Variants in KCNH1 observed in about 807,000 individuals in gnomAD.
KCNH1 encodes the protein voltage-gated delayed rectifier potassium channel KCNH1.
KCNH1 carries 27 observed loss-of-function variants against 69.2 expected under a neutral mutation model. The ratio of observed to expected loss-of-function variants is 0.39; its 90% CI spans 0.29 to 0.54. KCNH1 has a LOEUF of 0.54. KCNH1 is among the 20% of genes least tolerant of loss of function. The pLI, the probability that KCNH1 is intolerant of heterozygous loss-of-function variation, is 0.68. For synonymous variants in KCNH1, 456 were observed against 487.7 expected (o/e 0.93, Z 0.86); for missense variants, 798 against 1,261.6 (o/e 0.63, Z 5.57).
At chr1:210,823,416 T>G (rs557883678) in intron 7 of KCNH1, among the ~76,000 whole-genome samples, 4 of 152,310 alleles carry the variant, frequency 2.6e-5, no homozygotes, top group African/African-American at 9.6e-5. Flanking sequence ...GGAACTCAGC[T>G]GTAACTGTCT....
intron 7 of KCNH1, among the ~76,000 whole-genome samples, chr1:210,854,090 A>T (rs1325098559): frequency 6.6e-6 from 1 of 152,136 alleles, no homozygotes; most frequent in Non-Finnish European, 1.5e-5. Context: ...AATATTTATA[A>T]TGCTATGTTA....
At chr1:210,892,772 G>A (rs1686775885) in intron 7 of KCNH1, among the ~76,000 whole-genome samples, 1 of 152,092 alleles carries the variant, frequency 6.6e-6, no homozygotes, top group African/African-American at 2.4e-5. Flanking sequence ...GTGTTCCCAG[G>A]CAAAGCCCTT....
At chr1:210,716,259 C>G (rs570424464) in intron 10 of KCNH1, among the ~76,000 whole-genome samples, 3 of 151,912 alleles carry the variant, frequency 2.0e-5, no homozygotes, top group Non-Finnish European at 4.4e-5. Context: ...CGGTGAAACC[C>G]CATCTCTACT....
chr1:210,956,002 C>T (rs1688167684), intron 6 of KCNH1, among the ~76,000 whole-genome samples: 1 of 152,042 alleles, frequency 6.6e-6, no homozygotes, highest in African/African-American at 2.4e-5. Context: ...GGAATGTTTC[C>T]AGTTTTTGCC....
intron 5 of KCNH1, among the ~76,000 whole-genome samples, chr1:211,081,005 G>A (rs1307534040): frequency 6.6e-6 from 1 of 152,106 alleles, no homozygotes; most frequent in Non-Finnish European, 1.5e-5. Context: ...CACAGCAAAA[G>A]AAACTACCAT....
chr1:211,045,949 G>A lies in KCNH1; in HGVS notation c.559-26693C>T, dbSNP rs772856780. ...TATCATGCAGCATTTGTCCTTCTGC[G>A]TCTGGCTTATTTCACTTAGCATAAC... On this transcript the variant is annotated intron_variant, in intron 5 of 10. Transcript: ENST00000271751. Among the ~76,000 whole-genome samples the A allele has an allele frequency of 5.9e-5, 9 of 152,038 alleles. 1 individual carries two copies. The South Asian group carries it at 1.0e-3, about 18-fold the overall frequency.
intron 10 of KCNH1, among the ~76,000 whole-genome samples, chr1:210,735,231 C>T (rs946459271): frequency 1.3e-5 from 2 of 152,050 alleles, no homozygotes; most frequent in East Asian, 3.9e-4. Context: ...GACTTGTGAG[C>T]CCCCCTGCCT....
intron 1 of KCNH1, among the ~76,000 whole-genome samples, chr1:211,131,854 T>C (rs758649528): frequency 2.6e-5 from 4 of 152,222 alleles, no homozygotes; most frequent in African/African-American, 4.8e-5. Flanking sequence ...ATTCATTTGA[T>C]TGGTTAATTG....
intron 10 of KCNH1, among the ~76,000 whole-genome samples, chr1:210,694,927 T>C (rs1681605645): frequency 6.6e-6 from 1 of 152,218 alleles, no homozygotes; most frequent in Non-Finnish European, 1.5e-5. Flanking sequence ...TCCAACAGCT[T>C]TCCCAGCCTG....
intron 7 of KCNH1, among the ~76,000 whole-genome samples, chr1:210,812,336 C>A (rs1037126682): frequency 1.3e-5 from 2 of 152,132 alleles, no homozygotes; most frequent in Non-Finnish European, 2.9e-5. Context: ...TCTCCCCTCA[C>A]TTCAACTCTA....
chr1:210,877,694 G>T (rs1226857660), intron 7 of KCNH1, among the ~76,000 whole-genome samples: 1 of 152,024 alleles, frequency 6.6e-6, no homozygotes, highest in Non-Finnish European at 1.5e-5. Context: ...AAAATATAAA[G>T]ATATCTATAG....
intron 6 of KCNH1, among the ~76,000 whole-genome samples, chr1:210,997,971 T>C (rs1689085451): frequency 6.6e-6 from 1 of 152,146 alleles, no homozygotes; most frequent in South Asian, 2.1e-4. Flanking sequence ...CTGAGAGATT[T>C]TGTCACCACC....
chr1:210,820,208 T>A (rs927809648), intron 7 of KCNH1, among the ~76,000 whole-genome samples: 2 of 152,234 alleles, frequency 1.3e-5, no homozygotes, highest in African/African-American at 4.8e-5. Context: ...ACTTGAGAAC[T>A]AATTTGAGAA....
chr1:210,895,511 T>G (rs1322774361), intron 7 of KCNH1, among the ~76,000 whole-genome samples: 1 of 152,158 alleles, frequency 6.6e-6, no homozygotes, highest in Non-Finnish European at 1.5e-5. Context: ...AAACATGGAA[T>G]CCTCTAATAC....
Position 211,095,315 on chromosome 1 carries a change from A to T in KCNH1, c.311-4625T>A, listed in dbSNP as rs114063652. Among the ~76,000 whole-genome samples, 1,232 of 152,306 alleles carry T rather than the reference A, an allele frequency of 8.1e-3. 20 individuals carry two copies. The highest frequency in any genetic ancestry group is 0.028 in the African/African-American group (1,183 of 41,554). On this transcript the variant is annotated intron_variant, in intron 3 of 10. Transcript: ENST00000271751. ...TTATTGAAGAAAGATCTATGTACAC[A>T]CCCAGGAACAACATAGCACTTGATA... is the stretch of plus-strand genomic sequence containing the variant.
intron 7 of KCNH1, among the ~76,000 whole-genome samples, chr1:210,890,152 G>A (rs1323669880): frequency 3.9e-5 from 6 of 152,080 alleles, no homozygotes; most frequent in Non-Finnish European, 8.8e-5. Context: ...TATACTACAA[G>A]GCTACAGTAA....
At chr1:210,695,242 G>C (rs1056934341) in intron 10 of KCNH1, among the ~76,000 whole-genome samples, 1 of 152,230 alleles carries the variant, frequency 6.6e-6, no homozygotes, top group Non-Finnish European at 1.5e-5. Flanking sequence ...ACTTTATCCA[G>C]CTTAGTCATG....
At chr1:211,031,815 A>G (rs1303664441) in intron 5 of KCNH1, among the ~76,000 whole-genome samples, 1 of 152,150 alleles carries the variant, frequency 6.6e-6, no homozygotes, top group Admixed American at 6.5e-5. Context: ...TACTGAATGG[A>G]CAAAAACTGA....
chr1:211,077,634 C>G (rs992888532), intron 5 of KCNH1, among the ~76,000 whole-genome samples: 2 of 152,130 alleles, frequency 1.3e-5, no homozygotes, highest in African/African-American at 4.8e-5. Context: ...GGAACAACCA[C>G]TACCAGCCAC....
Sources: gnomAD v4.1 joint callset for allele counts (sites outside exome capture counted in the v4.1 genomes callset) on GRCh38, gnomAD v4.1.1 for gene constraint, MANE v1.5 for transcripts, NCBI Gene and HGNC (gene_info 2026-07-23, HGNC 2026-07-21) for gene names.